GREB1: variants seen among roughly 807,000 people sequenced by gnomAD.
GREB1 encodes growth regulating estrogen receptor binding 1.
A neutral mutation model predicts 200.7 loss-of-function variants in GREB1; 106 were observed. The ratio of observed to expected loss-of-function variants is 0.53; its 90% CI spans 0.45 to 0.62. GREB1 has a LOEUF of 0.62. Ranked by LOEUF, GREB1 falls within the 20% of genes least tolerant of loss-of-function variation. The probability of loss-of-function intolerance (pLI) is 0.00; values close to 1 mark genes in which losing one functional copy is unlikely to be tolerated. For missense variants in GREB1, 2,243 were observed against 2,556.8 expected, an observed-to-expected ratio of 0.88 and a Z score of 2.65; for synonymous variants, 1,132 against 1,092.4, an observed-to-expected ratio of 1.04 and a Z score of -0.72.
intron 23 of GREB1, 113 bp downstream of exon 23, chr2:11,621,120 C>T: frequency 1.4e-6 from 1 of 730,358 alleles, no homozygotes; most frequent in South Asian, 1.6e-5. Flanking sequence ...CATGATCAGA[C>T]TCATCCCAAG....
In GREB1 at chr2:11,600,868, G is replaced by T; in HGVS notation, c.2402G>T (p.Cys801Phe). ...GGATTGGTGGACCGATTGCTCAACT[G>T]CAGGGAGGTGAAGGAGGCCCCCAAC... The part of the protein sequence containing the change: ...SVGLVDRLLN[C>F]REVKEAPNIV... Residue 801 changes from cysteine to phenylalanine, a missense_variant, in exon 16 of 33, where the codon TGC becomes TTC. Cys to Phe is a radical substitution (Grantham distance 205, BLOSUM62 -2). Coordinates refer to ENST00000381486, the MANE Select transcript of GREB1 (RefSeq NM_014668.4). The T allele has an allele frequency of 6.2e-7, 1 of 1,614,096 alleles. No homozygotes were observed. The highest frequency in any genetic ancestry group is 8.5e-7 in the Non-Finnish European group (1 of 1,179,986).
chr2:11,631,285 C>A (rs1276602218), intron 26 of GREB1, among the ~76,000 whole-genome samples: 5 of 152,060 alleles, frequency 3.3e-5, no homozygotes, highest in Non-Finnish European at 7.4e-5. Context: ...TATAACAACC[C>A]GAGTGGATAG....
chr2:11,640,468 G>A lies in GREB1; in HGVS notation c.*14G>A. 2 of 1,613,834 alleles carry A rather than the reference G, an allele frequency of 1.2e-6. No homozygotes were observed. The highest frequency in any genetic ancestry group is 4.5e-5 in the East Asian group (2 of 44,878). ...CGACACATCTGAGGAAGACAGCGGC[G>A]AGTTTTCTGAAGAGATGAGTGCTCA... On this transcript the variant is annotated 3_prime_UTR_variant, in exon 33 of 33. Transcript: ENST00000381486. This position sits in a 1 kb window ranked among gnomAD's most constrained non-coding sequence, Gnocchi z 4.6.
At chr2:11,618,958 G>C (rs771434669) in intron 22 of GREB1, 39 bp downstream of exon 22, 6 of 1,444,468 alleles carry the variant, frequency 4.2e-6, no homozygotes, top group African/African-American at 2.8e-5. Flanking sequence ...CCCCGGACTG[G>C]GGGGGTCCTC....
chr2:11,619,791 A>C (rs1280339947), intron 22 of GREB1, among the ~76,000 whole-genome samples: 1 of 152,108 alleles, frequency 6.6e-6, no homozygotes, highest in East Asian at 1.9e-4. Context: ...TAGATATTAC[A>C]GATTTTTGTC....
intron 1 of GREB1, 26 bp from the exon 2 acceptor site, chr2:11,556,428 T>C (rs1364852785): frequency 1.9e-6 from 1 of 514,824 alleles, no homozygotes. Context: ...CTGTTACTTA[T>C]ATAACTTCCT....
chr2:11,568,891 T>G (rs953224133), intron 4 of GREB1, among the ~76,000 whole-genome samples: 1 of 152,236 alleles, frequency 6.6e-6, no homozygotes, highest in Non-Finnish European at 1.5e-5. Flanking sequence ...CTTTATGCTC[T>G]CAGCTTGCAT....
At chr2:11,549,880 G>A (rs887611643) in intron 1 of GREB1, among the ~76,000 whole-genome samples, 2 of 152,146 alleles carry the variant, frequency 1.3e-5, no homozygotes, top group African/African-American at 4.8e-5. Context: ...GCCTTGTGAT[G>A]CTGATGATCT....
intron 32 of GREB1, among the ~76,000 whole-genome samples, chr2:11,639,511 G>T (rs983565204): frequency 6.6e-6 from 1 of 152,186 alleles, no homozygotes; most frequent in East Asian, 1.9e-4. Flanking sequence ...TGGCTTTTAC[G>T]CCAGTCTTCC....
chr2:11,508,753 C>T (rs1032023920), intron 1 of GREB1, among the ~76,000 whole-genome samples: 5 of 152,176 alleles, frequency 3.3e-5, no homozygotes, highest in Non-Finnish European at 7.3e-5. Context: ...CATTTCAAAT[C>T]ATTGTTTGCC....
At chr2:11,637,637 C>T in intron 30 of GREB1, 79 bp from the exon 31 acceptor site, 2 of 1,333,766 alleles carry the variant, frequency 1.5e-6, no homozygotes, top group Middle Eastern at 2.2e-4. Context: ...ATGCTTGGGC[C>T]ACCCTTGCAG....
At chr2:11,541,969 G>A (rs1025045037) in intron 1 of GREB1, among the ~76,000 whole-genome samples, 1 of 152,016 alleles carries the variant, frequency 6.6e-6, no homozygotes, top group Non-Finnish European at 1.5e-5. Flanking sequence ...CATGAGGCCC[G>A]CCAAGACTGA....
chr2:11,601,905 C>T (rs1238557004), intron 16 of GREB1, among the ~76,000 whole-genome samples: 2 of 152,190 alleles, frequency 1.3e-5, no homozygotes, highest in African/African-American at 4.8e-5. Context: ...CGGCCCTTAA[C>T]CACTGTGCTA....
At chr2:11,632,831 G>C in intron 27 of GREB1, 58 bp from the exon 28 acceptor site, 1 of 1,502,024 alleles carries the variant, frequency 6.7e-7, no homozygotes, top group Non-Finnish European at 9.2e-7. Flanking sequence ...CCTGGGGTCT[G>C]TCTGCTGTGG....
At chr2:11,595,201 C>T (rs375914307) in intron 11 of GREB1, 50 bp from the exon 12 acceptor site, 33 of 1,552,550 alleles carry the variant, frequency 2.1e-5, no homozygotes, top group African/African-American at 4.1e-5. Flanking sequence ...CTACACAGCC[C>T]GTAAGCAGGG....
intron 9 of GREB1, chr2:11,587,308 T>C: frequency 9.1e-7 from 1 of 1,103,514 alleles, no homozygotes; most frequent in Non-Finnish European, 1.4e-6. Flanking sequence ...GTCACTTCTC[T>C]GTCCCTCTTT....
Position 11,576,421 on chromosome 2 carries a change from A to G in GREB1, c.523A>G (p.Ile175Val), listed in dbSNP as rs1208157207. ...TTACTTCACGGAATTCTCCAATCATATAAATCTGAAACTGACCACTCAACC... is the reference window on the plus strand; with the variant it reads ...TTACTTCACGGAATTCTCCAATCATGTAAATCTGAAACTGACCACTCAACC... ...FCYFTEFSNH[I>V]NLKLTTQPKK... Residue 175 changes from isoleucine (I) to valine (V), a missense_variant, in exon 5 of 33, where the codon ATA becomes GTA. By Grantham distance (29) the Ile-to-Val change is conservative. Coordinates refer to ENST00000381486, the MANE Select transcript of GREB1 (RefSeq NM_014668.4). The G allele has an allele frequency of 1.9e-6, 3 of 1,614,088 alleles. No individual in the cohort carries two copies. Among genetic ancestry groups the G allele is most frequent in the Non-Finnish European group, 2.5e-6 (3 of 1,179,878 alleles).
intron 1 of GREB1, among the ~76,000 whole-genome samples, chr2:11,556,152 G>A (rs936448791): frequency 2.0e-5 from 3 of 152,200 alleles, no homozygotes; most frequent in Non-Finnish European, 4.4e-5. Context: ...TTCTGGGAAG[G>A]TGGGGGAGGC....
intron 17 of GREB1, among the ~76,000 whole-genome samples, chr2:11,608,056 T>A (rs1400139894): frequency 2.0e-5 from 3 of 152,162 alleles, no homozygotes; most frequent in African/African-American, 4.8e-5. Flanking sequence ...GGGGACTTAT[T>A]CTTTCTTATT....
Sources: allele counts gnomAD v4.1 joint callset (sites outside exome capture counted in the v4.1 genomes callset), GRCh38; gene constraint gnomAD v4.1.1; non-coding constraint Gnocchi (gnomAD v3.1); transcripts MANE v1.5; gene names NCBI Gene and HGNC (gene_info 2026-07-23, HGNC 2026-07-21).